Variants in TTLL9 observed in about 807,000 individuals in gnomAD.
The protein encoded by TTLL9 is tubulin tyrosine ligase like 9.
Under a neutral mutation model 65.6 loss-of-function variants are expected in TTLL9, and 47 were observed. The observed-to-expected ratio is 0.72, with a 90% confidence interval of 0.57 to 0.91. The LOEUF is 0.91. Among genes scored for constraint, TTLL9 ranks in the 40% least tolerant of loss-of-function variants. TTLL9 has a pLI of 0.00. For synonymous variants in TTLL9, 179 were observed against 204.8 expected (o/e 0.87, Z 1.07); for missense variants, 537 against 568.8 (o/e 0.94, Z 0.57).
intron 2 of TTLL9, chr20:31,880,005 A>AG: frequency 1.7e-4 from 1 of 5,946 alleles, no homozygotes; most frequent in South Asian, 1.7e-3. Flanking sequence ...CGGAATGGGT[A>AG]GGGGTGGGGC....
intron 5 of TTLL9, 121 bp from the exon 6 acceptor site, chr20:31,909,616 C>T: frequency 2.5e-6 from 2 of 808,758 alleles, no homozygotes; most frequent in South Asian, 1.7e-5. Flanking sequence ...GTTACTCTTA[C>T]TGTTGCTATT....
chr20:31,878,713 A>G (rs1177390356), intron 2 of TTLL9, among the ~76,000 whole-genome samples: 1 of 152,196 alleles, frequency 6.6e-6, no homozygotes, highest in African/African-American at 2.4e-5. Flanking sequence ...ATATCCTACC[A>G]ATGAATTCCA....
At chr20:31,902,022 C>A (rs1416726498) in intron 4 of TTLL9, among the ~76,000 whole-genome samples, 1 of 152,132 alleles carries the variant, frequency 6.6e-6, no homozygotes, top group Non-Finnish European at 1.5e-5. Context: ...TATATAAAAT[C>A]TTTTTAATTT....
intron 10 of TTLL9, among the ~76,000 whole-genome samples, chr20:31,932,471 CAAA>C (rs58783829): frequency 4.6e-5 from 4 of 86,454 alleles, no homozygotes; most frequent in Non-Finnish European, 2.2e-5. Flanking sequence ...GACCCTGTCT[CAAA>C]AAAAAAAAAA....
intron 6 of TTLL9, among the ~76,000 whole-genome samples, chr20:31,918,893 C>T (rs1253453360): frequency 6.6e-6 from 1 of 152,232 alleles, no homozygotes; most frequent in Non-Finnish European, 1.5e-5. Context: ...AACCATGGTG[C>T]ACAGCATGGC....
chr20:31,889,067 T>C (rs560629184), intron 3 of TTLL9, among the ~76,000 whole-genome samples: 23 of 140,538 alleles, frequency 1.6e-4, no homozygotes, highest in East Asian at 4.2e-4. Context: ...CACACACACA[T>C]ATATTTACCA....
intron 2 of TTLL9, chr20:31,884,066 C>A: frequency 1.8e-6 from 1 of 558,960 alleles, no homozygotes; most frequent in South Asian, 2.8e-5. Flanking sequence ...TTACAAACTA[C>A]CAGAACTAAT....
At chr20:31,900,518 T>C (rs2063463198) in intron 4 of TTLL9, among the ~76,000 whole-genome samples, 1 of 152,158 alleles carries the variant, frequency 6.6e-6, no homozygotes, top group South Asian at 2.1e-4. Flanking sequence ...TACTAAATCA[T>C]CCCATGAAAA....
intron 3 of TTLL9, 92 bp downstream of exon 3, chr20:31,887,331 A>G: frequency 7.4e-7 from 1 of 1,359,206 alleles, no homozygotes; most frequent in Admixed American, 1.8e-5. Flanking sequence ...TTCTACTTCA[A>G]CAATTATAAT....
In TTLL9 at chr20:31,939,328, C is replaced by G. The variant is rs1450877169; in HGVS notation, c.1243+62C>G. The G allele has an allele frequency of 6.3e-6, 10 of 1,583,280 alleles. No homozygotes were observed. In the East Asian group the frequency reaches 1.8e-4, roughly 29 times the overall value. On this transcript the variant is annotated intron_variant, in intron 14 of 14. Transcript: ENST00000535842. The stretch of plus-strand genomic sequence containing the variant: ...GGGGTCATGGGAGGTACCAGGTAGT[C>G]TAGGAGGCAGCTTGGGATAGTGGTT...
At chr20:31,904,136 A>G (rs1438798215) in intron 4 of TTLL9, among the ~76,000 whole-genome samples, 1 of 152,180 alleles carries the variant, frequency 6.6e-6, no homozygotes, top group Non-Finnish European at 1.5e-5. Flanking sequence ...TTTTCAGTGG[A>G]ACTCATCGGG....
At chr20:31,922,939 A>AATT (rs754613584) in intron 7 of TTLL9, 24 bp from the exon 8 acceptor site, 9 of 1,562,584 alleles carry the variant, frequency 5.8e-6, no homozygotes, top group Non-Finnish European at 6.2e-6. Context: ...ATAAATGTTC[A>AATT]ATTATTATTA....
At chr20:31,902,229 A>G (rs2063489682) in intron 4 of TTLL9, among the ~76,000 whole-genome samples, 1 of 152,038 alleles carries the variant, frequency 6.6e-6, no homozygotes, top group African/African-American at 2.4e-5. Flanking sequence ...CCCTCCCTCC[A>G]GCCTCTGTCT....
intron 3 of TTLL9, among the ~76,000 whole-genome samples, chr20:31,898,202 G>A (rs1361905761): frequency 6.6e-6 from 1 of 152,140 alleles, no homozygotes; most frequent in African/African-American, 2.4e-5. Flanking sequence ...TTTCATGTAA[G>A]GATTAGTCAT....
At chr20:31,935,000 A>G in intron 12 of TTLL9, 112 bp downstream of exon 12, 1 of 1,022,872 alleles carries the variant, frequency 9.8e-7, no homozygotes. Flanking sequence ...CCTTGTGCAC[A>G]CTTACATTTA....
chr20:31,938,775 G>A (rs1375880293), intron 13 of TTLL9, among the ~76,000 whole-genome samples: 1 of 152,154 alleles, frequency 6.6e-6, no homozygotes, highest in Non-Finnish European at 1.5e-5. Context: ...CTACTCAAGA[G>A]GCTGAGTGAG....
At chr20:31,895,605 C>T (rs111934233) in intron 3 of TTLL9, among the ~76,000 whole-genome samples, 4 of 152,008 alleles carry the variant, frequency 2.6e-5, no homozygotes, top group South Asian at 2.1e-4. Context: ...GGTGTGATCT[C>T]GGCTCACTGC....
chr20:31,930,545 T>G (rs1454535318), intron 10 of TTLL9, among the ~76,000 whole-genome samples: 3 of 152,228 alleles, frequency 2.0e-5, no homozygotes, highest in Non-Finnish European at 4.4e-5. Flanking sequence ...GTCATACATT[T>G]TATTGTTAAT....
Position 31,911,844 on chromosome 20 carries a change from G to T in TTLL9, c.504+1922G>T, listed in dbSNP as rs539112846. The stretch of plus-strand genomic sequence containing the variant: ...GGTGTGTCTGTGCGTGTGTGTGTGT[G>T]TGTGTGTGTGTGTGTGTGTGTGTGT... On this transcript the variant is annotated intron_variant, in intron 6 of 14. Transcript: ENST00000535842. 1.6e-3 allele frequency among the ~76,000 whole-genome samples: 96 copies of T among 60,106 alleles called. 1 individual carries two copies. The highest frequency in any genetic ancestry group is 4.1e-3 in the African/African-American group (95 of 22,950). 39.4% of individuals were successfully genotyped at this position (60,106 alleles called of 152,430 possible).
Sources: gnomAD v4.1 joint callset for allele counts (sites outside exome capture counted in the v4.1 genomes callset) on GRCh38, gnomAD v4.1.1 for gene constraint, MANE v1.5 for transcripts, NCBI Gene and HGNC (gene_info 2026-07-23, HGNC 2026-07-21) for gene names.